Variants in ANAPC1 observed in about 807,000 individuals in gnomAD.
The protein encoded by ANAPC1 is anaphase-promoting complex subunit 1.
Under a neutral mutation model 208.0 loss-of-function variants are expected in ANAPC1, and 36 were observed. That is an observed-to-expected ratio of 0.17 (90% confidence interval 0.13 to 0.23). The LOEUF is 0.23. Among genes scored for constraint, ANAPC1 ranks in the 10% least tolerant of loss-of-function variants. ANAPC1 has a pLI of 1.00. For synonymous variants in ANAPC1, 378 were observed against 695.2 expected (o/e 0.54, Z 7.18); for missense variants, 942 against 2,011.6 (o/e 0.47, Z 10.17).
chr2:111,850,212 C>T (rs1681313179), intron 14 of ANAPC1, among the ~76,000 whole-genome samples: 1 of 150,914 alleles, frequency 6.6e-6, no homozygotes, highest in African/African-American at 2.4e-5. Flanking sequence ...TTATTGAGTC[C>T]TTATGACTAG....
At chr2:111,827,055 T>C (rs969713151) in intron 21 of ANAPC1, among the ~76,000 whole-genome samples, 16 of 136,526 alleles carry the variant, frequency 1.2e-4, no homozygotes, top group East Asian at 6.4e-4. Flanking sequence ...ACTGCCAGTT[T>C]TGCAAAGTGC....
chr2:111,852,178 T>G (rs1190467428), intron 13 of ANAPC1, among the ~76,000 whole-genome samples: 2 of 149,020 alleles, frequency 1.3e-5, no homozygotes, highest in Admixed American at 1.3e-4. Flanking sequence ...AAAAAAAAAC[T>G]GAATAAAATT....
At chr2:111,863,389 C>T (rs139432449) in intron 9 of ANAPC1, among the ~76,000 whole-genome samples, 7,211 of 151,200 alleles carry the variant, frequency 0.048, 544 homozygotes, top group African/African-American at 0.16. Context: ...TGGTGGCAGG[C>T]GCCTGTAGTC....
intron 17 of ANAPC1, among the ~76,000 whole-genome samples, chr2:111,839,406 G>A (rs1680640353): frequency 6.6e-6 from 1 of 152,036 alleles, no homozygotes; most frequent in South Asian, 2.1e-4. Context: ...ATTTCCCCTG[G>A]CATAATCTTT....
intron 26 of ANAPC1, among the ~76,000 whole-genome samples, chr2:111,819,956 T>G (rs1679431651): frequency 1.3e-5 from 2 of 152,144 alleles, no homozygotes; most frequent in South Asian, 4.1e-4. Flanking sequence ...ACCCATAGAA[T>G]TTTTTTAGAG....
intron 3 of ANAPC1, among the ~76,000 whole-genome samples, chr2:111,875,376 A>C (rs1254070843): frequency 6.8e-6 from 1 of 147,460 alleles, no homozygotes; most frequent in Non-Finnish European, 1.5e-5. Context: ...AAAATCTACA[A>C]TGCACCGATT....
At chr2:111,870,076 T>C (rs12711657) in intron 6 of ANAPC1, among the ~76,000 whole-genome samples, 88,539 of 152,056 alleles carry the variant, frequency 0.58, 26,692 homozygotes, top group South Asian at 0.69. Flanking sequence ...CTGATTAGTA[T>C]TCCATGGTGT....
chr2:111,865,976 C>CA (rs1233880003), intron 7 of ANAPC1: 1 of 187,172 alleles, frequency 5.3e-6, no homozygotes, highest in East Asian at 1.7e-4. Context: ...GAGGCTGAGT[C>CA]AGGCGGCTCA....
chr2:111,838,999 T>C (rs1680622023), intron 17 of ANAPC1, among the ~76,000 whole-genome samples: 1 of 152,234 alleles, frequency 6.6e-6, no homozygotes, highest in Non-Finnish European at 1.5e-5. Context: ...CTCTTTCTCC[T>C]GAACCCACAG....
chr2:111,858,196 A>T, intron 11 of ANAPC1, 110 bp downstream of exon 11: 1 of 725,214 alleles, frequency 1.4e-6, no homozygotes, highest in Non-Finnish European at 2.2e-6. Flanking sequence ...ATGACATGTA[A>T]ATTATTTCTA....
chr2:111,769,313 T>C lies in ANAPC1; in HGVS notation c.5813A>G (p.Asn1938Ser), dbSNP rs551247468. Residue 1938 changes from asparagine to serine, a missense_variant, in exon 48 of 48, where the codon AAT (asparagine) becomes AGT (serine). Asn to Ser is a conservative substitution (Grantham distance 46). Coordinates refer to ENST00000341068, the MANE Select transcript of ANAPC1 (RefSeq NM_022662.4). ...LLRLAPLLLG[N>S]PQPMVM ...CGGTCACATCACCATTGGCTGTGGA[T>C]TTCCAAGAAGCAAAGGAGCCAATCT... 29 of 1,557,504 alleles carry C rather than the reference T, an allele frequency of 1.9e-5. No individual in the cohort carries two copies. In the South Asian group the frequency reaches 3.3e-4, roughly 17 times the overall value.
Position 111,847,556 on chromosome 2 carries a change from AAGC to A in ANAPC1, c.1791+166_1791+168del, listed in dbSNP as rs1681158828. ...TAATAATACAGAAACTGTAGAAAAC[AAGC>A]AGAATTACTGTATAGTAAAAAGTAA... On this transcript the variant is annotated intron_variant, in intron 15 of 47. Coordinates refer to ENST00000341068, the MANE Select transcript of ANAPC1 (RefSeq NM_022662.4). 3.3e-5 allele frequency among the ~76,000 whole-genome samples: 5 copies of A among 152,392 alleles called. No individual in the cohort carries two copies. In the South Asian group the frequency reaches 8.3e-4, roughly 25 times the overall value.
intron 20 of ANAPC1, among the ~76,000 whole-genome samples, chr2:111,832,957 G>T (rs1483856606): frequency 1.9e-5 from 1 of 52,410 alleles, no homozygotes; most frequent in Non-Finnish European, 4.6e-5. Context: ...AAAAAAAAAA[G>T]CATCCTTGAC....
chr2:111,835,791 G>A (rs1480878782), intron 18 of ANAPC1, among the ~76,000 whole-genome samples: 2 of 152,102 alleles, frequency 1.3e-5, no homozygotes, highest in African/African-American at 4.8e-5. Context: ...GCAGTGAGCT[G>A]AGATCATGCC....
In ANAPC1 at chr2:111,838,431, T is replaced by C. The variant is rs200742648; in HGVS notation, c.2115+7A>G. 47 of 1,591,878 alleles carry C rather than the reference T, an allele frequency of 3.0e-5. No individual in the cohort carries two copies. Among genetic ancestry groups the C allele is most frequent in the Non-Finnish European group, 1.8e-5 (21 of 1,173,146 alleles). On this transcript the variant is annotated splice_region_variant and intron_variant, in intron 18 of 47. Transcript: ENST00000341068. ...AATTTATATTAGCAAGAAATAATAA[T>C]GCTTACATCATCAGATCCAGTCTCG...
At chr2:111,778,102 A>C (rs1677084766) in intron 45 of ANAPC1, among the ~76,000 whole-genome samples, 1 of 152,232 alleles carries the variant, frequency 6.6e-6, no homozygotes, top group Non-Finnish European at 1.5e-5. Context: ...ATGTATTACT[A>C]ATTTGCCTAA....
chr2:111,795,461 G>A (rs1173505352), intron 34 of ANAPC1, among the ~76,000 whole-genome samples: 1 of 147,936 alleles, frequency 6.8e-6, no homozygotes, highest in Admixed American at 6.8e-5. Flanking sequence ...TTCTAAATCA[G>A]TAACAGGGTC....
At position 111,815,485 on chromosome 2, in the gene ANAPC1, T is replaced by C; in HGVS notation, c.3482A>G (p.Asn1161Ser). The change falls in exon 28 of 48, where the codon AAT (asparagine) becomes AGT (serine). Residue 1161 changes from asparagine to serine, a missense_variant. Physicochemically the swap from Asn to Ser is conservative, Grantham distance 46. Coordinates refer to ENST00000341068, the MANE Select transcript of ANAPC1 (RefSeq NM_022662.4). ...SQIDSAWIVYNKPKHAELANE... is the reference protein window; with the variant it reads ...SQIDSAWIVYSKPKHAELANE... ...GGCCAACTCAGCATGCTTGGGCTTA[T>C]TGTAAACAATCCAAGCTGAGTCGAT... 1 of 226,376 alleles carries C rather than the reference T, an allele frequency of 4.4e-6. No individual in the cohort carries two copies. The highest frequency in any genetic ancestry group is 7.9e-6 in the Non-Finnish European group (1 of 126,892). 14.0% of individuals were successfully genotyped at this position (226,376 alleles called of 1,614,324 possible).
intron 17 of ANAPC1, among the ~76,000 whole-genome samples, chr2:111,841,423 G>A (rs1680759022): frequency 8.0e-6 from 1 of 125,236 alleles, no homozygotes; most frequent in Admixed American, 8.7e-5. Flanking sequence ...TAATTCTATA[G>A]AGACAGGACA....
Sources: gnomAD v4.1 joint callset for allele counts (sites outside exome capture counted in the v4.1 genomes callset) on GRCh38, gnomAD v4.1.1 for gene constraint, MANE v1.5 for transcripts, NCBI Gene and HGNC (gene_info 2026-07-23, HGNC 2026-07-21) for gene names.